Variants in CAMKMT observed in about 807,000 individuals in gnomAD.
The protein encoded by CAMKMT is CaM KMT.
Under a neutral mutation model 48.0 loss-of-function variants are expected in CAMKMT, and 53 were observed. The observed-to-expected ratio is 1.10, with a 90% CI of 0.89 to 1.39. The LOEUF (loss-of-function observed/expected upper bound fraction) is 1.39. CAMKMT is among the 40% of genes most tolerant of loss of function. The pLI is 0.00. For synonymous variants in CAMKMT, 165 were observed against 152.3 expected, an observed-to-expected ratio of 1.08 and a Z score of -0.61; for missense variants, 428 against 402.7, an observed-to-expected ratio of 1.06 and a Z score of -0.54.
intron 3 of CAMKMT, among the ~76,000 whole-genome samples, chr2:44,418,368 G>T (rs1044073779): frequency 6.6e-6 from 1 of 151,220 alleles, no homozygotes; most frequent in Non-Finnish European, 1.5e-5. Context: ...TATATTTTTA[G>T]TCTATGGTCC....
At chr2:44,704,449 T>A in intron 4 of CAMKMT, 106 bp downstream of exon 4, 1 of 757,244 alleles carries the variant, frequency 1.3e-6, no homozygotes, top group Non-Finnish European at 2.0e-6. Flanking sequence ...TAGAAAAAAA[T>A]ATAAGAAAAG....
rs187630992 is a variant in CAMKMT at position 44,611,388 on chromosome 2, G to A, written c.377-92895G>A. 6.0e-3 allele frequency among the ~76,000 whole-genome samples: 906 copies of A among 151,844 alleles called. 5 individuals carry two copies. Among genetic ancestry groups the A allele is most frequent in the Non-Finnish European group, 9.6e-3 (651 of 67,944 alleles). On this transcript the variant is annotated intron_variant, in intron 3 of 10. Transcript: ENST00000378494. ...GCAGAGGTGGCAGTGAGCCGAGATC[G>A]TGCCATTGCACTCCAGACTGGGGGA...
chr2:44,486,930 A>C (rs1669245084), intron 3 of CAMKMT, among the ~76,000 whole-genome samples: 1 of 152,224 alleles, frequency 6.6e-6, no homozygotes, highest in Non-Finnish European at 1.5e-5. Flanking sequence ...GAATGTTTGT[A>C]AGTCAGTCGT....
chr2:44,513,593 A>G (rs950833244), intron 3 of CAMKMT, among the ~76,000 whole-genome samples: 5 of 152,192 alleles, frequency 3.3e-5, no homozygotes, highest in Admixed American at 1.3e-4. Context: ...AAGAAAGGAG[A>G]GCTCCTCTCG....
chr2:44,578,887 T>A (rs1308796594), intron 3 of CAMKMT, among the ~76,000 whole-genome samples: 1 of 152,200 alleles, frequency 6.6e-6, no homozygotes, highest in African/African-American at 2.4e-5. Context: ...GGTACAGGCA[T>A]CTTAACTCCT....
chr2:44,698,026 T>G (rs1219655055), intron 3 of CAMKMT, among the ~76,000 whole-genome samples: 2 of 152,204 alleles, frequency 1.3e-5, no homozygotes, highest in Non-Finnish European at 2.9e-5. Context: ...TGTGTCTCTA[T>G]AACTAATTTG....
At chr2:44,644,139 C>G (rs1438728377) in intron 3 of CAMKMT, among the ~76,000 whole-genome samples, 2 of 152,126 alleles carry the variant, frequency 1.3e-5, no homozygotes, top group Non-Finnish European at 2.9e-5. Context: ...TGTACAAGTG[C>G]CGAGGAATCT....
At chr2:44,520,288 G>T (rs559617761) in intron 3 of CAMKMT, among the ~76,000 whole-genome samples, 1 of 151,984 alleles carries the variant, frequency 6.6e-6, no homozygotes, top group South Asian at 2.1e-4. Flanking sequence ...AGACTATGTT[G>T]CCCAGTTCTA....
At chr2:44,523,483 AAG>A (rs754188852) in intron 3 of CAMKMT, among the ~76,000 whole-genome samples, 3 of 151,662 alleles carry the variant, frequency 2.0e-5, no homozygotes, top group Non-Finnish European at 4.4e-5. Flanking sequence ...TTTGTAGAGA[AAG>A]AGTTTCACCA....
At chr2:44,420,078 T>A (rs987994958) in intron 3 of CAMKMT, among the ~76,000 whole-genome samples, 2 of 152,136 alleles carry the variant, frequency 1.3e-5, no homozygotes, top group Admixed American at 6.5e-5. Context: ...TACACAATTA[T>A]TTTAGATAAT....
chr2:44,386,560 A>G (rs1003415361), intron 2 of CAMKMT, among the ~76,000 whole-genome samples: 1 of 151,454 alleles, frequency 6.6e-6, no homozygotes, highest in Non-Finnish European at 1.5e-5. Context: ...TGCTGTGTTT[A>G]GGTTTGGTTT....
chr2:44,399,423 G>A (rs1198347525), intron 3 of CAMKMT, among the ~76,000 whole-genome samples: 2 of 152,026 alleles, frequency 1.3e-5, no homozygotes, highest in African/African-American at 4.8e-5. Flanking sequence ...TCCTCTGCTT[G>A]TGCCTATCCT....
At chr2:44,708,712 G>T (rs868758906) in intron 6 of CAMKMT, among the ~76,000 whole-genome samples, 1 of 151,978 alleles carries the variant, frequency 6.6e-6, no homozygotes, top group Admixed American at 6.6e-5. Context: ...GAGTTATTTC[G>T]TGCATGTATC....
intron 3 of CAMKMT, among the ~76,000 whole-genome samples, chr2:44,417,139 A>G (rs1274792035): frequency 3.9e-5 from 6 of 152,028 alleles, no homozygotes; most frequent in Admixed American, 2.6e-4. Flanking sequence ...CGTTGTATAA[A>G]TATGGCCACA....
At chr2:44,622,194 T>A (rs892760548) in intron 3 of CAMKMT, among the ~76,000 whole-genome samples, 4 of 152,212 alleles carry the variant, frequency 2.6e-5, no homozygotes, top group African/African-American at 9.6e-5. Flanking sequence ...GGCCTTGGCT[T>A]CTCGTTCCTC....
chr2:44,732,153 T>C (rs1679109906), intron 7 of CAMKMT, among the ~76,000 whole-genome samples: 1 of 152,130 alleles, frequency 6.6e-6, no homozygotes. Flanking sequence ...GGGGTCTCAC[T>C]ATGTTGCTTA....
chr2:44,482,794 A>G (rs920510739), intron 3 of CAMKMT, among the ~76,000 whole-genome samples: 4 of 152,092 alleles, frequency 2.6e-5, no homozygotes, highest in Admixed American at 2.0e-4. Context: ...ATGATTAGAA[A>G]GGTAAATTAG....
intron 7 of CAMKMT, among the ~76,000 whole-genome samples, chr2:44,721,219 G>A (rs930090829): frequency 1.3e-5 from 2 of 152,042 alleles, no homozygotes; most frequent in Non-Finnish European, 2.9e-5. Flanking sequence ...ACTTTGTTGG[G>A]AATCTACTAA....
At chr2:44,441,886 T>C (rs1036127165) in intron 3 of CAMKMT, among the ~76,000 whole-genome samples, 1 of 152,208 alleles carries the variant, frequency 6.6e-6, no homozygotes, top group Non-Finnish European at 1.5e-5. Flanking sequence ...ATATCCTCTT[T>C]TATCTAGACT....
Sources: gnomAD v4.1 joint callset for allele counts (sites outside exome capture counted in the v4.1 genomes callset) on GRCh38, gnomAD v4.1.1 for gene constraint, MANE v1.5 for transcripts, NCBI Gene and HGNC (gene_info 2026-07-23, HGNC 2026-07-21) for gene names.